The following GASK1A variants were observed in gnomAD, a reference collection of about 807,000 sequenced individuals.
GASK1A encodes the protein Golgi-associated kinase 1A.
GASK1A carries 40 observed loss-of-function variants against 41.2 expected under a neutral mutation model. The observed-to-expected ratio is 0.97, with a 90% confidence interval of 0.75 to 1.27. The LOEUF (loss-of-function observed/expected upper bound fraction) is 1.27, where lower values mean the gene tolerates loss of function less well. Ranked by LOEUF, GASK1A falls within the 50% of genes most tolerant of loss-of-function variation. GASK1A has a pLI of 0.00. For synonymous variants in GASK1A, 316 were observed against 307.1 expected (o/e 1.03, Z -0.30); for missense variants, 678 against 745.1 (o/e 0.91, Z 1.05).
chr3:42,997,988 A>C (rs2089385843), intron 1 of GASK1A, among the ~76,000 whole-genome samples: 1 of 152,160 alleles, frequency 6.6e-6, no homozygotes, highest in African/African-American at 2.4e-5. Flanking sequence ...CCCTACAGGT[A>C]AAGAGGATGG....
chr3:43,051,982 C>G (rs1052397613), intron 2 of GASK1A, among the ~76,000 whole-genome samples: 4 of 152,162 alleles, frequency 2.6e-5, no homozygotes, highest in African/African-American at 9.7e-5. Flanking sequence ...ACACCAGGCT[C>G]TTTTAGGAAC....
Position 43,056,710 on chromosome 3 carries a change from T to C in GASK1A, c.*324T>C. 1 of 220,514 alleles carries C rather than the reference T, an allele frequency of 4.5e-6. No homozygotes were observed. The highest frequency in any genetic ancestry group is 9.1e-6 in the Non-Finnish European group (1 of 110,008). 13.7% of individuals were successfully genotyped at this position (220,514 alleles called of 1,614,324 possible). Reference sequence around the variant, plus strand: ...AGAACTTTGTGTGTGTGTAGAGGTGTGTAGGTGTGGGTGGCATGTGTGCCC... The same window carrying C: ...AGAACTTTGTGTGTGTGTAGAGGTGCGTAGGTGTGGGTGGCATGTGTGCCC... On this transcript the variant is annotated 3_prime_UTR_variant, in exon 5 of 5. Coordinates refer to ENST00000430121, the MANE Select transcript of GASK1A (RefSeq NM_001129908.3).
intron 2 of GASK1A, among the ~76,000 whole-genome samples, chr3:43,052,671 T>C (rs1378877732): frequency 6.6e-6 from 1 of 151,978 alleles, no homozygotes; most frequent in African/African-American, 2.4e-5. Flanking sequence ...CTTCGACTAT[T>C]CTCCCTTTCC....
intron 1 of GASK1A, among the ~76,000 whole-genome samples, chr3:43,018,067 G>A (rs2089502981): frequency 6.6e-6 from 1 of 152,182 alleles, no homozygotes; most frequent in African/African-American, 2.4e-5. Flanking sequence ...ATATGGAAGG[G>A]CTGTGTGAAG....
intron 1 of GASK1A, among the ~76,000 whole-genome samples, chr3:42,990,236 G>C (rs2089333043): frequency 6.6e-6 from 1 of 151,904 alleles, no homozygotes; most frequent in African/African-American, 2.4e-5. Flanking sequence ...TATAGTCCCA[G>C]CTACTTAAGA....
intron 2 of GASK1A, among the ~76,000 whole-genome samples, chr3:43,044,364 C>T (rs2089652002): frequency 6.6e-6 from 1 of 152,196 alleles, no homozygotes; most frequent in Non-Finnish European, 1.5e-5. Context: ...CTCTGGTTCT[C>T]AGGCCTGTAG....
chr3:42,988,134 C>T (rs1439742391), intron 1 of GASK1A, among the ~76,000 whole-genome samples: 1 of 152,148 alleles, frequency 6.6e-6, no homozygotes, highest in African/African-American at 2.4e-5. Context: ...ACCTGGCTCC[C>T]TTCCTTCTGG....
chr3:43,038,790 A>T (rs574239763), intron 2 of GASK1A, among the ~76,000 whole-genome samples: 1 of 152,294 alleles, frequency 6.6e-6, no homozygotes, highest in East Asian at 1.9e-4. Flanking sequence ...GCTCTTCATC[A>T]CATTAGTGAT....
intron 1 of GASK1A, among the ~76,000 whole-genome samples, chr3:43,002,621 C>G (rs906596048): frequency 6.6e-6 from 1 of 152,124 alleles, no homozygotes; most frequent in African/African-American, 2.4e-5. Context: ...GTGTGAAATA[C>G]ACATTGGATA....
intron 1 of GASK1A, among the ~76,000 whole-genome samples, chr3:43,014,326 A>G (rs1312775636): frequency 6.6e-6 from 1 of 151,780 alleles, no homozygotes; most frequent in Non-Finnish European, 1.5e-5. Flanking sequence ...AGGAAGAGGC[A>G]GTGGGATGTC....
chr3:43,040,886 C>CACA (rs2089633659), intron 2 of GASK1A, among the ~76,000 whole-genome samples: 1 of 137,750 alleles, frequency 7.3e-6, no homozygotes, highest in Non-Finnish European at 1.6e-5. Flanking sequence ...TCCCCCCCGC[C>CACA]ACAACAGTCC....
chr3:43,022,594 T>C (rs1235272831), intron 1 of GASK1A, among the ~76,000 whole-genome samples: 2 of 152,224 alleles, frequency 1.3e-5, no homozygotes, highest in African/African-American at 4.8e-5. Context: ...TGGGCAAACA[T>C]TGGCACTCTG....
Position 42,979,435 on chromosome 3 carries a change from T to A in GASK1A, c.-208T>A. 1 of 426,504 alleles carries A rather than the reference T, an allele frequency of 2.3e-6. No homozygotes were observed. The highest frequency in any genetic ancestry group is 3.6e-5 in the East Asian group (1 of 28,040). 26.4% of individuals were successfully genotyped at this position (426,504 alleles called of 1,614,324 possible). A position where few individuals can be genotyped will look rare whatever the true frequency, so the allele number is the denominator to read the frequency against. ...ATTCCCCACCCGCGGAGTATCCCGG[T>A]GTGCAGCGATCTCCCGAGAGTTGGC... On this transcript the variant is annotated 5_prime_UTR_variant, in exon 1 of 5. Coordinates refer to ENST00000430121, the MANE Select transcript of GASK1A (RefSeq NM_001129908.3).
intron 1 of GASK1A, among the ~76,000 whole-genome samples, chr3:43,009,146 A>T (rs2089450760): frequency 1.3e-5 from 2 of 152,214 alleles, no homozygotes; most frequent in African/African-American, 4.8e-5. Context: ...TGATGTGAAG[A>T]TATATGCTTA....
chr3:43,017,633 G>A (rs1395567193), intron 1 of GASK1A, among the ~76,000 whole-genome samples: 2 of 151,346 alleles, frequency 1.3e-5, no homozygotes, highest in Middle Eastern at 3.4e-3. Context: ...GGAAGTCACA[G>A]GGAGGGGCAG....
chr3:42,993,487 GAT>G (rs2089353000), intron 1 of GASK1A, among the ~76,000 whole-genome samples: 2 of 152,166 alleles, frequency 1.3e-5, no homozygotes, highest in South Asian at 4.1e-4. Context: ...AGAAGATCTG[GAT>G]AATTATTTCA....
Position 43,014,215 on chromosome 3 carries a change from G to T in GASK1A, c.4-18052G>T, listed in dbSNP as rs141648013. Among the ~76,000 whole-genome samples the T allele has an allele frequency of 4.6e-3, 689 of 150,250 alleles. 3 individuals are homozygous for T. The highest frequency in any genetic ancestry group is 0.021 in the Middle Eastern group (6 of 284). Reference sequence around the variant, plus strand: ...TGTGAAGTCACAGGTAGGGACAGGGGGTAGTCACAGGAAGGTGCTGTGTGA... The same window carrying T: ...TGTGAAGTCACAGGTAGGGACAGGGTGTAGTCACAGGAAGGTGCTGTGTGA... On this transcript the variant is annotated intron_variant, in intron 1 of 4. Transcript: ENST00000430121.
intron 1 of GASK1A, among the ~76,000 whole-genome samples, chr3:43,010,590 G>A (rs2089458497): frequency 6.6e-6 from 1 of 152,138 alleles, no homozygotes; most frequent in South Asian, 2.1e-4. Flanking sequence ...TTGGATTATA[G>A]ATTTCTGCCA....
In GASK1A at chr3:43,055,878, A is replaced by G. The variant is rs72870874; in HGVS notation, c.1518-298A>G. 488 of 471,828 alleles carry G rather than the reference A, an allele frequency of 1.0e-3. 2 individuals carry two copies. The highest frequency in any genetic ancestry group is 7.9e-3 in the African/African-American group (409 of 51,558). 29.2% of individuals were successfully genotyped at this position (471,828 alleles called of 1,614,324 possible). On this transcript the variant is annotated intron_variant, in intron 4 of 4. Transcript: ENST00000430121. The stretch of plus-strand genomic sequence containing the variant: ...TGGCAGGCAGCTCTGCCTTCCCAGG[A>G]TTCTTTCTGGCCCTGCATTTGCCAA...
Sources: gnomAD v4.1 joint callset for allele counts (sites outside exome capture counted in the v4.1 genomes callset) on GRCh38, gnomAD v4.1.1 for gene constraint, MANE v1.5 for transcripts, NCBI Gene and HGNC (gene_info 2026-07-23, HGNC 2026-07-21) for gene names.